GPATCH2: variants seen among roughly 807,000 people sequenced by gnomAD.
GPATCH2 encodes the protein G-patch domain containing 2, also known as G patch domain-containing protein 2.
A neutral mutation model predicts 58.0 loss-of-function variants in GPATCH2; 51 were observed. The observed-to-expected ratio is 0.88, with a 90% confidence interval of 0.70 to 1.11. The LOEUF (loss-of-function observed/expected upper bound fraction) is 1.11. Ranked by LOEUF, GPATCH2 falls within the 50% of genes most tolerant of loss-of-function variation. The pLI is 0.00. For missense variants in GPATCH2, 625 were observed against 652.2 expected (o/e 0.96, Z 0.45); for synonymous variants, 222 against 218.5 (o/e 1.02, Z -0.14).
chr1:217,457,937 G>A (rs1381764106), intron 8 of GPATCH2, among the ~76,000 whole-genome samples: 3 of 152,140 alleles, frequency 2.0e-5, no homozygotes, highest in African/African-American at 7.2e-5. Flanking sequence ...CTTCAAAGAT[G>A]TCTTGCTTGG....
intron 5 of GPATCH2, among the ~76,000 whole-genome samples, chr1:217,550,224 A>G (rs1223202934): frequency 1.3e-5 from 2 of 152,130 alleles, no homozygotes; most frequent in Non-Finnish European, 2.9e-5. Flanking sequence ...TATGATTAAT[A>G]ATATCTAATT....
chr1:217,454,024 A>G (rs908469817), intron 8 of GPATCH2, among the ~76,000 whole-genome samples: 1 of 152,160 alleles, frequency 6.6e-6, no homozygotes, highest in African/African-American at 2.4e-5. Context: ...CTGCACAGAA[A>G]TAAAGCAGGT....
intron 5 of GPATCH2, among the ~76,000 whole-genome samples, chr1:217,565,860 G>A (rs777285758): frequency 1.4e-4 from 22 of 152,130 alleles, no homozygotes; most frequent in Non-Finnish European, 2.8e-4. Context: ...CCAGCAGTTT[G>A]GGAGGCCCAG....
In GPATCH2 at chr1:217,598,507, C is replaced by T. The variant is rs1406148085; in HGVS notation, c.1098+11814G>A. ...TCTGTTGCCCAGGCTGGATGGAGTG[C>T]AGTGGCGCAGTCTTGGTTCACTGCA... On this transcript the variant is annotated intron_variant, in intron 5 of 9. Transcript: ENST00000366935. Among the ~76,000 whole-genome samples, 4 of 151,884 alleles carry T rather than the reference C, an allele frequency of 2.6e-5. No individual in the cohort carries two copies. The East Asian group carries it at 5.8e-4, about 22-fold the overall frequency.
intron 5 of GPATCH2, among the ~76,000 whole-genome samples, chr1:217,536,540 T>C (rs1209488685): frequency 6.6e-6 from 1 of 152,214 alleles, no homozygotes; most frequent in Non-Finnish European, 1.5e-5. Context: ...TTCTAATTTT[T>C]TGGAAATCCC....
intron 2 of GPATCH2, among the ~76,000 whole-genome samples, chr1:217,618,653 AT>A (rs1425638879): frequency 2.6e-5 from 4 of 152,206 alleles, no homozygotes; most frequent in Non-Finnish European, 1.5e-5. Flanking sequence ...AAAATAAAAA[AT>A]AAAAACCAAA....
intron 7 of GPATCH2, among the ~76,000 whole-genome samples, chr1:217,492,314 G>GA (rs1440405115): frequency 6.6e-6 from 1 of 151,908 alleles, no homozygotes; most frequent in East Asian, 1.9e-4. Flanking sequence ...TATATAATTA[G>GA]AAAAAAACAT....
At chr1:217,446,653 A>C (rs1558397368) in intron 9 of GPATCH2, among the ~76,000 whole-genome samples, 1 of 152,262 alleles carries the variant, frequency 6.6e-6, no homozygotes, top group East Asian at 1.9e-4. Flanking sequence ...AAGTGCATTA[A>C]ATTTCTATGA....
intron 5 of GPATCH2, among the ~76,000 whole-genome samples, chr1:217,575,291 G>C (rs1257034453): frequency 6.6e-6 from 1 of 152,032 alleles, no homozygotes; most frequent in Non-Finnish European, 1.5e-5. Flanking sequence ...GAAACTGTTA[G>C]TTATCACATA....
rs1288653228 is a variant in GPATCH2, at chr1:217,431,094, A to T, written c.*51T>A. On this transcript the variant is annotated 3_prime_UTR_variant, in exon 10 of 10. Coordinates refer to ENST00000366935, the MANE Select transcript of GPATCH2 (RefSeq NM_018040.5). ...ACAGAAGTCATGTTATCATTTTAGAACAATGGGACATAGTGAATAAAGTCT... is the reference window on the plus strand; with the variant it reads ...ACAGAAGTCATGTTATCATTTTAGATCAATGGGACATAGTGAATAAAGTCT... 2.2e-6 allele frequency: 2 copies of T among 917,424 alleles called. No individual in the cohort carries two copies. The highest frequency in any genetic ancestry group is 3.2e-5 in the African/African-American group (2 of 61,550). 56.8% of individuals were successfully genotyped at this position (917,424 alleles called of 1,614,324 possible). A position where few individuals can be genotyped will look rare whatever the true frequency, so the allele number is the denominator to read the frequency against.
chr1:217,579,064 G>T (rs1423269082), intron 5 of GPATCH2, among the ~76,000 whole-genome samples: 1 of 152,114 alleles, frequency 6.6e-6, no homozygotes, highest in Non-Finnish European at 1.5e-5. Flanking sequence ...TTCAACCCTT[G>T]TTAAATATTT....
chr1:217,508,118 A>G (rs1662651959), intron 6 of GPATCH2, among the ~76,000 whole-genome samples: 1 of 152,124 alleles, frequency 6.6e-6, no homozygotes, highest in African/African-American at 2.4e-5. Flanking sequence ...TATTCTATAA[A>G]TAAACTTAAG....
intron 5 of GPATCH2, among the ~76,000 whole-genome samples, chr1:217,583,793 A>T (rs12022862): frequency 0.014 from 2,097 of 152,190 alleles, 48 homozygotes; most frequent in East Asian, 0.1. Flanking sequence ...CAGCTAGGGA[A>T]TAAAAATAAA....
chr1:217,558,579 T>C (rs989378594), intron 5 of GPATCH2, among the ~76,000 whole-genome samples: 1 of 152,130 alleles, frequency 6.6e-6, no homozygotes, highest in Non-Finnish European at 1.5e-5. Flanking sequence ...GTGTTTAAAT[T>C]AAATTCTGGT....
In GPATCH2 at chr1:217,430,925, T is replaced by C. The variant is rs1406682579; in HGVS notation, c.*220A>G. 1.8e-6 allele frequency: 1 copy of C among 567,298 alleles called. No homozygotes were observed. The highest frequency in any genetic ancestry group is 1.9e-5 in the African/African-American group (1 of 53,288). 35.1% of individuals were successfully genotyped at this position (567,298 alleles called of 1,614,324 possible). On this transcript the variant is annotated 3_prime_UTR_variant, in exon 10 of 10. Transcript: ENST00000366935. ...TTTATACCTAGAAATAGCTGGAAATTACTGAAAAAAATTAAAGTGCAGAGG... is the reference window on the plus strand; with the variant it reads ...TTTATACCTAGAAATAGCTGGAAATCACTGAAAAAAATTAAAGTGCAGAGG...
At chr1:217,533,789 G>C (rs529084591) in intron 5 of GPATCH2, among the ~76,000 whole-genome samples, 88 of 152,272 alleles carry the variant, frequency 5.8e-4, no homozygotes, top group African/African-American at 2.0e-3. Context: ...TTTTCATTAA[G>C]CTCTTTTTAT....
chr1:217,558,995 T>A (rs986864131), intron 5 of GPATCH2, among the ~76,000 whole-genome samples: 2 of 151,956 alleles, frequency 1.3e-5, no homozygotes, highest in African/African-American at 4.8e-5. Flanking sequence ...TTATCACTTT[T>A]CAAGTTCCTC....
intron 8 of GPATCH2, among the ~76,000 whole-genome samples, chr1:217,469,422 T>G (rs888948912): frequency 6.6e-6 from 1 of 152,100 alleles, no homozygotes; most frequent in African/African-American, 2.4e-5. Flanking sequence ...ACCAATATCT[T>G]GGTATACAAA....
At chr1:217,616,033 T>G (rs1286265500) in intron 2 of GPATCH2, among the ~76,000 whole-genome samples, 2 of 152,078 alleles carry the variant, frequency 1.3e-5, no homozygotes, top group African/African-American at 4.8e-5. Context: ...GCAAAGGAAA[T>G]TCTAATAAAC....
Sources: gnomAD v4.1 joint callset for allele counts (sites outside exome capture counted in the v4.1 genomes callset) on GRCh38, gnomAD v4.1.1 for gene constraint, MANE v1.5 for transcripts, NCBI Gene and HGNC (gene_info 2026-07-23, HGNC 2026-07-21) for gene names.